The following RBFOX1 variants were observed in gnomAD, a reference collection of about 807,000 sequenced individuals.
The protein encoded by RBFOX1 is RNA binding fox-1 homolog 1, also known as RNA binding protein fox-1 homolog 1.
A neutral mutation model predicts 57.7 loss-of-function variants in RBFOX1; 8 were observed. The ratio of observed to expected loss-of-function variants is 0.14; its 90% CI spans 0.08 to 0.25. RBFOX1 has a LOEUF of 0.25. RBFOX1 is among the 10% of genes least tolerant of loss of function. RBFOX1 has a pLI of 1.00. For synonymous variants in RBFOX1, 326 were observed against 222.4 expected (o/e 1.47, Z -4.15); for missense variants, 611 against 548.5 (o/e 1.11, Z -1.14).
chr16:6,030,255 C>T (rs1301955897), intron 1 of RBFOX1, among the ~76,000 whole-genome samples: 1 of 152,158 alleles, frequency 6.6e-6, no homozygotes, highest in Non-Finnish European at 1.5e-5. Context: ...TTGGCTATTA[C>T]TGTGTTAGCT....
At chr16:7,163,885 C>T (rs1450091606) in intron 4 of RBFOX1, among the ~76,000 whole-genome samples, 1 of 152,130 alleles carries the variant, frequency 6.6e-6, no homozygotes, top group East Asian at 1.9e-4. Context: ...GTATCGAACT[C>T]CTGACCTCAA....
At chr16:5,536,060 C>G (rs570542977) in intron 2 of RBFOX1, among the ~76,000 whole-genome samples, 17 of 151,906 alleles carry the variant, frequency 1.1e-4, no homozygotes, top group African/African-American at 3.6e-4. Context: ...CTTCTTTTGC[C>G]TGCCAGGTAG....
At chr16:6,918,631 A>G (rs2073790232) in intron 3 of RBFOX1, among the ~76,000 whole-genome samples, 1 of 152,172 alleles carries the variant, frequency 6.6e-6, no homozygotes, top group Non-Finnish European at 1.5e-5. Flanking sequence ...TACCCTTCTC[A>G]GTGAAAATGT....
intron 1 of RBFOX1, among the ~76,000 whole-genome samples, chr16:6,132,089 G>C (rs976756737): frequency 7.2e-5 from 11 of 152,222 alleles, no homozygotes; most frequent in Non-Finnish European, 5.9e-5. Flanking sequence ...AAAGGAGCGA[G>C]ATCTACTTTA....
At chr16:6,948,486 G>A (rs1294097591) in intron 3 of RBFOX1, among the ~76,000 whole-genome samples, 1 of 142,828 alleles carries the variant, frequency 7.0e-6, no homozygotes, top group Admixed American at 7.4e-5. Context: ...TGGTTCAAGC[G>A]ATTCTCCTGC....
At chr16:7,017,072 T>G (rs1307814771) in intron 3 of RBFOX1, among the ~76,000 whole-genome samples, 2 of 152,216 alleles carry the variant, frequency 1.3e-5, no homozygotes, top group Non-Finnish European at 2.9e-5. Flanking sequence ...TCCATGTTGC[T>G]GTGAGCAGAA....
chr16:6,896,492 A>T (rs73546222), intron 3 of RBFOX1, among the ~76,000 whole-genome samples: 12,176 of 152,018 alleles, frequency 0.08, 1,637 homozygotes, highest in African/African-American at 0.27. Context: ...TGACTTTTAG[A>T]TCCCACTAAT....
At chr16:7,066,609 G>C (rs1443678851) in intron 4 of RBFOX1, among the ~76,000 whole-genome samples, 1 of 152,140 alleles carries the variant, frequency 6.6e-6, no homozygotes, top group African/African-American at 2.4e-5. Context: ...CATAAAGCGG[G>C]GGGTGTTTTT....
chr16:6,159,729 C>T (rs74005000), intron 1 of RBFOX1, among the ~76,000 whole-genome samples: 137 of 152,310 alleles, frequency 9.0e-4, no homozygotes, highest in African/African-American at 3.2e-3. Context: ...CAGCTTCATT[C>T]TATGTTTCCT....
intron 4 of RBFOX1, among the ~76,000 whole-genome samples, chr16:7,257,094 C>A (rs1180437845): frequency 6.6e-6 from 1 of 152,112 alleles, no homozygotes; most frequent in Non-Finnish European, 1.5e-5. Context: ...GCTTTGCATG[C>A]CATCGTCCTT....
chr16:7,642,073 C>CCA (rs1261352929), intron 11 of RBFOX1, among the ~76,000 whole-genome samples: 2 of 152,114 alleles, frequency 1.3e-5, no homozygotes, highest in African/African-American at 2.4e-5. Context: ...CATGACCACG[C>CCA]CACTGCACTC....
At chr16:5,566,330 A>AC (rs564649783) in intron 2 of RBFOX1, among the ~76,000 whole-genome samples, 122 of 152,200 alleles carry the variant, frequency 8.0e-4, no homozygotes, top group African/African-American at 2.8e-3. Flanking sequence ...CGGAAGATAG[A>AC]CCGTTGATGT....
intron 1 of RBFOX1, among the ~76,000 whole-genome samples, chr16:6,105,929 A>G (rs1482064680): frequency 6.6e-6 from 1 of 152,008 alleles, no homozygotes; most frequent in Non-Finnish European, 1.5e-5. Context: ...GGTCATAGTA[A>G]CCCAACATTT....
intron 3 of RBFOX1, among the ~76,000 whole-genome samples, chr16:6,842,469 T>C (rs1002825560): frequency 2.6e-5 from 4 of 152,070 alleles, no homozygotes; most frequent in Non-Finnish European, 5.9e-5. Context: ...CAAATATGAA[T>C]GTGTGTGTTT....
At chr16:6,031,991 T>C (rs2095297444) in intron 1 of RBFOX1, among the ~76,000 whole-genome samples, 1 of 152,226 alleles carries the variant, frequency 6.6e-6, no homozygotes, top group Admixed American at 6.5e-5. Flanking sequence ...TCACTGGCTC[T>C]GTGTCACTTT....
intron 3 of RBFOX1, among the ~76,000 whole-genome samples, chr16:5,829,580 C>A (rs1232332971): frequency 2.6e-5 from 4 of 152,058 alleles, no homozygotes; most frequent in Non-Finnish European, 4.4e-5. Flanking sequence ...CCTCCTCCAA[C>A]ATCCCCCTCC....
chr16:6,453,439 G>C (rs1194390814), intron 2 of RBFOX1, among the ~76,000 whole-genome samples: 1 of 152,098 alleles, frequency 6.6e-6, no homozygotes, highest in African/African-American at 2.4e-5. Context: ...ACAAGAAATG[G>C]ATAAATTCCT....
chr16:7,636,887 A>G (rs2061852610), intron 11 of RBFOX1, among the ~76,000 whole-genome samples: 2 of 152,158 alleles, frequency 1.3e-5, no homozygotes, highest in Non-Finnish European at 2.9e-5. Context: ...GTGTCTCTTC[A>G]TATAAGGGCA....
chr16:7,696,449 T>C (rs1012282492), intron 14 of RBFOX1, among the ~76,000 whole-genome samples: 2 of 152,080 alleles, frequency 1.3e-5, no homozygotes, highest in Non-Finnish European at 2.9e-5. Flanking sequence ...TTAGGAATTT[T>C]CCAGGGTGGG....
Sources: gnomAD v4.1 joint callset for allele counts (sites outside exome capture counted in the v4.1 genomes callset) on GRCh38, gnomAD v4.1.1 for gene constraint, MANE v1.5 for transcripts, NCBI Gene and HGNC (gene_info 2026-07-23, HGNC 2026-07-21) for gene names.